The following ACYP2 variants were observed in gnomAD, a reference collection of about 807,000 sequenced individuals.
The protein encoded by ACYP2 is acylphosphatase-2.
Under a neutral mutation model 11.2 loss-of-function variants are expected in ACYP2, and 12 were observed. That is an observed-to-expected ratio of 1.08 (90% CI 0.69 to 1.74). The LOEUF (loss-of-function observed/expected upper bound fraction) is 1.74. Ranked by LOEUF, ACYP2 falls within the 40% of genes most tolerant of loss-of-function variation. ACYP2 has a pLI of 0.00. For missense variants in ACYP2, 134 were observed against 101.9 expected (o/e 1.31, Z -1.35); for synonymous variants, 43 against 32.2 (o/e 1.33, Z -1.13).
intron 6 of ACYP2, among the ~76,000 whole-genome samples, chr2:54,235,867 C>G (rs1233551641): frequency 6.6e-6 from 1 of 152,158 alleles, no homozygotes; most frequent in African/African-American, 2.4e-5. Context: ...CAATAAAACT[C>G]TATAAGCTCT....
intron 4 of ACYP2, among the ~76,000 whole-genome samples, chr2:54,103,380 G>C (rs1223308456): frequency 6.6e-6 from 1 of 152,146 alleles, no homozygotes; most frequent in African/African-American, 2.4e-5. Context: ...TTGCTGTTAG[G>C]ACAGTGCTTT....
chr2:54,116,378 A>G (rs1341578524), intron 4 of ACYP2, among the ~76,000 whole-genome samples: 1 of 152,192 alleles, frequency 6.6e-6, no homozygotes, highest in African/African-American at 2.4e-5. Context: ...GTGATTTAAC[A>G]TCCACCATCT....
chr2:54,036,854 G>C (rs1450321209), intron 2 of ACYP2, among the ~76,000 whole-genome samples: 2 of 152,134 alleles, frequency 1.3e-5, no homozygotes, highest in African/African-American at 2.4e-5. Flanking sequence ...CTGAAAACTG[G>C]ACACCCAACT....
intron 2 of ACYP2, among the ~76,000 whole-genome samples, chr2:54,017,058 C>G (rs1373542675): frequency 6.9e-6 from 1 of 145,424 alleles, no homozygotes; most frequent in African/African-American, 2.8e-5. Context: ...CTTGCTGATT[C>G]TCACATGGCA....
chr2:54,038,357 T>G (rs1156526583), intron 2 of ACYP2, among the ~76,000 whole-genome samples: 1 of 152,168 alleles, frequency 6.6e-6, no homozygotes, highest in Admixed American at 6.5e-5. Context: ...CTCTTTGTTT[T>G]TTTTGCAAAT....
chr2:54,151,751 T>G (rs1433618265), intron 6 of ACYP2, among the ~76,000 whole-genome samples: 2 of 152,226 alleles, frequency 1.3e-5, no homozygotes, highest in African/African-American at 4.8e-5. Context: ...AAGGGTATAG[T>G]TTTTACTTTA....
chr2:54,255,689 A>T lies in ACYP2; in HGVS notation c.405-48999A>T, dbSNP rs371819321. ...TCCACTGGGGCTGAGAACATGGCACACTCCTCAGGCTTCACGTCCTCGGCC... is the reference window on the plus strand; with the variant it reads ...TCCACTGGGGCTGAGAACATGGCACTCTCCTCAGGCTTCACGTCCTCGGCC... On this transcript the variant is annotated intron_variant, in intron 6 of 6. Coordinates refer to ENST00000607452, the MANE Select transcript of ACYP2 (RefSeq NM_001320586.2). 9 of 1,613,446 alleles carry T rather than the reference A, an allele frequency of 5.6e-6. No homozygotes were observed. In the African/African-American group the frequency reaches 1.1e-4, roughly 19 times the overall value.
At chr2:54,183,702 T>C (rs188192435) in intron 6 of ACYP2, among the ~76,000 whole-genome samples, 1 of 152,324 alleles carries the variant, frequency 6.6e-6, no homozygotes, top group African/African-American at 2.4e-5. Flanking sequence ...TTTTCAAAAA[T>C]GTCATTTATC....
chr2:54,231,443 A>G (rs1452105630), intron 6 of ACYP2, among the ~76,000 whole-genome samples: 1 of 152,222 alleles, frequency 6.6e-6, no homozygotes, highest in East Asian at 1.9e-4. Context: ...CATATAATTC[A>G]TGTGCATTTC....
intron 3 of ACYP2, chr2:54,051,065 C>G: frequency 2.0e-6 from 1 of 511,034 alleles, no homozygotes. Context: ...GAACCACCGT[C>G]CTTGGTCACA....
At chr2:54,067,065 T>G (rs1411014784) in intron 4 of ACYP2, among the ~76,000 whole-genome samples, 1 of 152,222 alleles carries the variant, frequency 6.6e-6, no homozygotes, top group African/African-American at 2.4e-5. Context: ...TTTTGTCATG[T>G]AACATTTATG....
chr2:54,033,378 T>G (rs1345901766), intron 2 of ACYP2, among the ~76,000 whole-genome samples: 1 of 151,512 alleles, frequency 6.6e-6, no homozygotes, highest in Non-Finnish European at 1.5e-5. Context: ...TTGTGTGTGT[T>G]TTGTTTTTTT....
chr2:54,021,658 C>A (rs751523792), intron 2 of ACYP2, among the ~76,000 whole-genome samples: 14 of 152,332 alleles, frequency 9.2e-5, no homozygotes, highest in Non-Finnish European at 1.6e-4. Context: ...GCATTGTTGA[C>A]ATAAACATAT....
chr2:54,009,656 G>T (rs552285695), intron 2 of ACYP2, among the ~76,000 whole-genome samples: 1 of 152,072 alleles, frequency 6.6e-6, no homozygotes. Context: ...AGAAATCAAG[G>T]CATGAAGTAA....
chr2:53,990,738 G>A (rs750936322), intron 2 of ACYP2, among the ~76,000 whole-genome samples: 1 of 150,920 alleles, frequency 6.6e-6, no homozygotes, highest in African/African-American at 2.4e-5. Flanking sequence ...AGCTTCTACT[G>A]TCAGAGTTTC....
chr2:54,123,248 A>AT, intron 4 of ACYP2: 1 of 397,872 alleles, frequency 2.5e-6, no homozygotes. Context: ...TCCTGCAGAA[A>AT]TAAGTTATAA....
intron 6 of ACYP2, among the ~76,000 whole-genome samples, chr2:54,280,982 TCAC>T (rs987293526): frequency 1.3e-5 from 2 of 152,148 alleles, no homozygotes; most frequent in African/African-American, 2.4e-5. Context: ...AAAGGAAACA[TCAC>T]CAAGAAGAGG....
chr2:54,269,237 T>G (rs1688173240), intron 6 of ACYP2, among the ~76,000 whole-genome samples: 1 of 152,200 alleles, frequency 6.6e-6, no homozygotes, highest in Non-Finnish European at 1.5e-5. Flanking sequence ...CATGAGCCAC[T>G]GTGCCCAGCC....
At chr2:54,051,823 T>C in intron 3 of ACYP2, 1 of 362,650 alleles carries the variant, frequency 2.8e-6, no homozygotes, top group South Asian at 2.6e-5. Context: ...GGCAGGAAAA[T>C]CACCTGAGGT....
Sources: gnomAD v4.1 joint callset for allele counts (sites outside exome capture counted in the v4.1 genomes callset) on GRCh38, gnomAD v4.1.1 for gene constraint, MANE v1.5 for transcripts, NCBI Gene and HGNC (gene_info 2026-07-23, HGNC 2026-07-21) for gene names.